The following SORBS2 variants were observed in gnomAD, a reference collection of about 807,000 sequenced individuals.
The protein encoded by SORBS2 is sorbin and SH3 domain-containing protein 2.
Under a neutral mutation model 97.7 loss-of-function variants are expected in SORBS2, and 46 were observed. That is an observed-to-expected ratio of 0.47 (90% confidence interval 0.37 to 0.60). The LOEUF is 0.60. Ranked by LOEUF, SORBS2 falls within the 20% of genes least tolerant of loss-of-function variation. The probability of loss-of-function intolerance (pLI) is 0.00; values close to 1 mark genes in which losing one functional copy is unlikely to be tolerated. For synonymous variants in SORBS2, 476 were observed against 473.4 expected, an observed-to-expected ratio of 1.01 and a Z score of -0.07; for missense variants, 1,316 against 1,282.3, an observed-to-expected ratio of 1.03 and a Z score of -0.40.
In SORBS2 at chr4:185,686,635, T is replaced by A. The variant is rs182348443; in HGVS notation, c.-197-7813A>T. On this transcript the variant is annotated intron_variant, in intron 2 of 20. Transcript: ENST00000284776. Reference sequence around the variant, plus strand: ...TTGCTTCCAGGAGCTGGAAACTGGTTGAAATGGTTGTGTAGTCAAAGGTGT... The same window carrying A: ...TTGCTTCCAGGAGCTGGAAACTGGTAGAAATGGTTGTGTAGTCAAAGGTGT... Among the ~76,000 whole-genome samples the A allele has an allele frequency of 2.0e-5, 3 of 152,338 alleles. No homozygotes were observed. The East Asian group carries it at 5.8e-4, about 29-fold the overall frequency.
intron 2 of SORBS2, among the ~76,000 whole-genome samples, chr4:185,741,393 C>CTTTTTTTTTTTTT (rs1210677956): frequency 3.3e-5 from 4 of 119,550 alleles, no homozygotes; most frequent in African/African-American, 6.3e-5. Context: ...TCTTTCTTTT[C>CTTTTTTTTTTTTT]TTTTTTTTTT....
chr4:185,717,879 C>A (rs1346648987), intron 2 of SORBS2, among the ~76,000 whole-genome samples: 2 of 152,212 alleles, frequency 1.3e-5, no homozygotes, highest in African/African-American at 4.8e-5. Context: ...GCCTTGGTTT[C>A]TACAACTATA....
chr4:185,919,933 C>A (rs2099260192), intron 1 of SORBS2, among the ~76,000 whole-genome samples: 1 of 152,204 alleles, frequency 6.6e-6, no homozygotes, highest in Non-Finnish European at 1.5e-5. Flanking sequence ...TACCGCTGTT[C>A]TGAACTATCA....
At chr4:185,839,647 C>T (rs1375485821) in intron 1 of SORBS2, among the ~76,000 whole-genome samples, 1 of 152,110 alleles carries the variant, frequency 6.6e-6, no homozygotes, top group Non-Finnish European at 1.5e-5. Flanking sequence ...AGTTGTTTTT[C>T]GATGGGACTG....
At chr4:185,658,714 T>C (rs926983282), upstream of SORBS2, among the ~76,000 whole-genome samples, 90 of 132,946 alleles carry the variant, frequency 6.8e-4, no homozygotes, top group Non-Finnish European at 1.2e-3. Context: ...TTTTTTGAGA[T>C]GGAGTCTCGC....
chr4:185,871,179 T>C (rs753993530), intron 1 of SORBS2, among the ~76,000 whole-genome samples: 10 of 152,194 alleles, frequency 6.6e-5, no homozygotes, highest in Non-Finnish European at 1.2e-4. Context: ...ATTTTAAAAG[T>C]GAATTTTGTT....
intron 4 of SORBS2, among the ~76,000 whole-genome samples, chr4:185,639,462 T>G (rs1007091406): frequency 6.6e-6 from 1 of 152,230 alleles, no homozygotes; most frequent in Non-Finnish European, 1.5e-5. Flanking sequence ...TATAAACAGT[T>G]GGAGAAAATA....
intron 1 of SORBS2, among the ~76,000 whole-genome samples, chr4:185,793,126 C>T (rs982372131): frequency 5.3e-5 from 8 of 152,192 alleles, no homozygotes; most frequent in African/African-American, 1.4e-4. Context: ...CCCTGCAGAT[C>T]GCAAAGCTCC....
chr4:185,796,150 C>CCTGACT (rs1452582729), intron 1 of SORBS2, among the ~76,000 whole-genome samples: 1 of 152,194 alleles, frequency 6.6e-6, no homozygotes, highest in Non-Finnish European at 1.5e-5. Context: ...AAGTAATCCT[C>CCTGACT]CTGCCTCTGC....
chr4:185,597,339 CT>C (rs1249817147), intron 12 of SORBS2, among the ~76,000 whole-genome samples: 9 of 152,078 alleles, frequency 5.9e-5, no homozygotes, highest in African/African-American at 2.2e-4. Flanking sequence ...ATTTCCTCTG[CT>C]GTGTAAAGGT....
At chr4:185,652,757 C>T in intron 1 of SORBS2, 29 bp from the exon 10 acceptor site, 2 of 1,562,886 alleles carry the variant, frequency 1.3e-6, no homozygotes, top group Non-Finnish European at 1.8e-6. Context: ...CCAATGGTTA[C>T]AAACTGGCTT....
chr4:185,721,315 T>C (rs2098512649), intron 2 of SORBS2, among the ~76,000 whole-genome samples: 1 of 152,162 alleles, frequency 6.6e-6, no homozygotes, highest in Non-Finnish European at 1.5e-5. Flanking sequence ...CCTTGGGTGA[T>C]CCGCCTGCCT....
At chr4:185,879,933 C>T (rs796884193) in intron 1 of SORBS2, among the ~76,000 whole-genome samples, 4 of 152,174 alleles carry the variant, frequency 2.6e-5, no homozygotes, top group East Asian at 1.9e-4. Flanking sequence ...CACGGTGACA[C>T]GTACAGCAGA....
rs992113097 is a variant in SORBS2 at position 185,684,635 on chromosome 4, C to T, written c.-197-5813G>A. On this transcript the variant is annotated intron_variant, in intron 2 of 20. Transcript: ENST00000284776. The surrounding 1 kb of genome is among the most constrained non-coding windows in gnomAD (Gnocchi z 4.2). The stretch of plus-strand genomic sequence containing the variant: ...CAAGTGACTGCTGTTTTTAATTACA[C>T]ATTTAAAATGTTTCCTACAAGATCT... The T allele has an allele frequency of 2.8e-6, 2 of 723,616 alleles. No individual in the cohort carries two copies. The highest frequency in any genetic ancestry group is 2.0e-5 in the South Asian group (1 of 50,268). 44.8% of individuals were successfully genotyped at this position (723,616 alleles called of 1,614,324 possible). A position where few individuals can be genotyped will look rare whatever the true frequency, so the allele number is the denominator to read the frequency against.
intron 12 of SORBS2, among the ~76,000 whole-genome samples, chr4:185,608,137 T>C (rs1247737237): frequency 3.3e-5 from 5 of 152,224 alleles, no homozygotes; most frequent in Admixed American, 3.3e-4. Flanking sequence ...ATTTCCTGAA[T>C]GTGTGTAGTG....
intron 8 of SORBS2, among the ~76,000 whole-genome samples, chr4:185,619,748 C>G (rs2096686030): frequency 6.6e-6 from 1 of 152,172 alleles, no homozygotes; most frequent in Admixed American, 6.5e-5. Context: ...AAACCTATTG[C>G]CTCCACGAGG....
intron 1 of SORBS2, among the ~76,000 whole-genome samples, chr4:185,848,749 A>T (rs1380861111): frequency 6.7e-6 from 1 of 149,122 alleles, no homozygotes; most frequent in Non-Finnish European, 1.5e-5. Flanking sequence ...AGTAGCTGGG[A>T]CTACAGGCAG....
chr4:185,761,178 A>C (rs867218658), intron 2 of SORBS2, among the ~76,000 whole-genome samples: 2 of 152,334 alleles, frequency 1.3e-5, no homozygotes, highest in South Asian at 4.1e-4. Context: ...AAATACTTGA[A>C]TTCATAGCTG....
At chr4:185,715,769 G>T (rs556291013) in intron 2 of SORBS2, among the ~76,000 whole-genome samples, 1 of 152,134 alleles carries the variant, frequency 6.6e-6, no homozygotes, top group African/African-American at 2.4e-5. Context: ...TTCCTCCCTC[G>T]ACTACAAGTG....
Sources: allele counts gnomAD v4.1 joint callset (sites outside exome capture counted in the v4.1 genomes callset), GRCh38; gene constraint gnomAD v4.1.1; non-coding constraint Gnocchi (gnomAD v3.1); transcripts MANE v1.5; gene names NCBI Gene and HGNC (gene_info 2026-07-23, HGNC 2026-07-21).